The following NXPH1 variants were observed in gnomAD, a reference collection of about 807,000 sequenced individuals.
NXPH1 encodes neurexophilin 1.
In NXPH1, 5 loss-of-function variants were observed where a neutral mutation model predicts 23.7. The ratio of observed to expected loss-of-function variants is 0.21; its 90% confidence interval spans 0.11 to 0.44. The LOEUF (loss-of-function observed/expected upper bound fraction) is 0.44, where lower values mean the gene tolerates loss of function less well. Ranked by LOEUF, NXPH1 falls within the 20% of genes least tolerant of loss-of-function variation. The pLI, the probability that NXPH1 is intolerant of heterozygous loss-of-function variation, is 0.99. For missense variants in NXPH1, 324 were observed against 321.6 expected, an observed-to-expected ratio of 1.01 and a Z score of -0.06; for synonymous variants, 144 against 122.2, an observed-to-expected ratio of 1.18 and a Z score of -1.18.
At chr7:8,745,847 G>A (rs773535272) in intron 2 of NXPH1, among the ~76,000 whole-genome samples, 6 of 151,414 alleles carry the variant, frequency 4.0e-5, no homozygotes, top group African/African-American at 7.3e-5. Context: ...GATTTCAGGC[G>A]AGAGCTACTG....
chr7:8,612,965 A>T (rs950624746), intron 2 of NXPH1, among the ~76,000 whole-genome samples: 3 of 152,048 alleles, frequency 2.0e-5, no homozygotes, highest in African/African-American at 7.2e-5. Context: ...GGATGTGACC[A>T]GGGAATGCAG....
chr7:8,449,964 G>A (rs1816476419), intron 2 of NXPH1, among the ~76,000 whole-genome samples: 4 of 152,208 alleles, frequency 2.6e-5, no homozygotes, highest in Admixed American at 2.0e-4. Flanking sequence ...CTCGTGGCAT[G>A]TGGGACACAA....
At chr7:8,569,030 TA>T (rs1818600533) in intron 2 of NXPH1, among the ~76,000 whole-genome samples, 1 of 151,896 alleles carries the variant, frequency 6.6e-6, no homozygotes, top group Non-Finnish European at 1.5e-5. Flanking sequence ...TCTATGAATT[TA>T]AAACTGTTTT....
intron 2 of NXPH1, among the ~76,000 whole-genome samples, chr7:8,721,676 G>A (rs1266439522): frequency 6.6e-6 from 1 of 152,194 alleles, no homozygotes; most frequent in African/African-American, 2.4e-5. Flanking sequence ...TACTCGGGAG[G>A]CTGAGGCAGG....
At chr7:8,533,477 C>G (rs1817982648) in intron 2 of NXPH1, among the ~76,000 whole-genome samples, 1 of 152,042 alleles carries the variant, frequency 6.6e-6, no homozygotes, top group Non-Finnish European at 1.5e-5. Context: ...TATAGGAAAA[C>G]TTAGCATTTT....
At chr7:8,605,716 T>C (rs1314684222) in intron 2 of NXPH1, among the ~76,000 whole-genome samples, 1 of 152,072 alleles carries the variant, frequency 6.6e-6, no homozygotes, top group East Asian at 1.9e-4. Flanking sequence ...ATCTAAGCAC[T>C]TTTGAAAATA....
At chr7:8,544,089 C>T (rs1818160014) in intron 2 of NXPH1, among the ~76,000 whole-genome samples, 1 of 151,602 alleles carries the variant, frequency 6.6e-6, no homozygotes, top group African/African-American at 2.4e-5. Context: ...GCACATGTTG[C>T]CTCTTACCAA....
At chr7:8,629,912 T>C (rs1389763140) in intron 2 of NXPH1, among the ~76,000 whole-genome samples, 4 of 152,176 alleles carry the variant, frequency 2.6e-5, no homozygotes, top group Non-Finnish European at 5.9e-5. Flanking sequence ...TTTGCCTCTG[T>C]GAGAATTAGA....
intron 2 of NXPH1, among the ~76,000 whole-genome samples, chr7:8,735,980 T>C (rs576063650): frequency 2.0e-5 from 3 of 152,330 alleles, no homozygotes; most frequent in South Asian, 2.1e-4. Context: ...TCAGTGGTGA[T>C]ATCCCCTTTA....
intron 2 of NXPH1, among the ~76,000 whole-genome samples, chr7:8,599,482 C>CT (rs1277591159): frequency 6.6e-6 from 1 of 152,066 alleles, no homozygotes; most frequent in East Asian, 1.9e-4. Context: ...ATTTTCTTGG[C>CT]TTAGTGTATG....
chr7:8,726,885 G>C lies in NXPH1; in HGVS notation c.55-24123G>C, dbSNP rs1780063828. Among the ~76,000 whole-genome samples the C allele has an allele frequency of 3.3e-5, 5 of 152,118 alleles. No homozygotes were observed. The South Asian group carries it at 1.0e-3, about 32-fold the overall frequency. On this transcript the variant is annotated intron_variant, in intron 2 of 2. Coordinates refer to ENST00000405863, the MANE Select transcript of NXPH1 (RefSeq NM_152745.3). ...ATGGCTGGGTCAAATGGCGTTTCTA[G>C]TTCTAGATCCCTGAGGAATCGCCAC...
chr7:8,488,003 AC>A (rs1232880896), intron 2 of NXPH1, among the ~76,000 whole-genome samples: 2 of 152,154 alleles, frequency 1.3e-5, no homozygotes, highest in Non-Finnish European at 2.9e-5. Context: ...ATCAGTTGTA[AC>A]TTGGCAGGAT....
chr7:8,698,251 C>T (rs1187034191), intron 2 of NXPH1, among the ~76,000 whole-genome samples: 1 of 152,134 alleles, frequency 6.6e-6, no homozygotes, highest in Admixed American at 6.5e-5. Flanking sequence ...GGTAATAAAC[C>T]TATTTTCAAT....
intron 2 of NXPH1, among the ~76,000 whole-genome samples, chr7:8,749,390 G>T (rs955266341): frequency 2.0e-5 from 3 of 152,172 alleles, no homozygotes; most frequent in African/African-American, 7.2e-5. Flanking sequence ...CAGGGAGTCT[G>T]GCTCTAGAAT....
intron 2 of NXPH1, among the ~76,000 whole-genome samples, chr7:8,466,018 C>T (rs1162931349): frequency 3.3e-5 from 5 of 152,146 alleles, no homozygotes; most frequent in African/African-American, 4.8e-5. Context: ...TTCCTTGACT[C>T]GCTTTAATTC....
chr7:8,609,496 A>G (rs1423583513), intron 2 of NXPH1, among the ~76,000 whole-genome samples: 1 of 152,202 alleles, frequency 6.6e-6, no homozygotes. Context: ...AGAGGAAATG[A>G]ACTCAGAACT....
intron 2 of NXPH1, among the ~76,000 whole-genome samples, chr7:8,552,108 A>AC (rs1360443535): frequency 4.8e-5 from 7 of 147,254 alleles, no homozygotes; most frequent in African/African-American, 1.5e-4. Context: ...TCTGCAGAAA[A>AC]AAAACCAAAA....
chr7:8,687,462 A>G (rs1180093628), intron 2 of NXPH1, among the ~76,000 whole-genome samples: 1 of 152,146 alleles, frequency 6.6e-6, no homozygotes, highest in Non-Finnish European at 1.5e-5. Context: ...TTTGGTTGGG[A>G]AAAATGTTAT....
chr7:8,647,057 C>G (rs900287185), intron 2 of NXPH1, among the ~76,000 whole-genome samples: 1 of 152,070 alleles, frequency 6.6e-6, no homozygotes, highest in Non-Finnish European at 1.5e-5. Context: ...ACCCCTGGGA[C>G]AGGCAGACAA....
Sources: allele counts gnomAD v4.1 joint callset (sites outside exome capture counted in the v4.1 genomes callset), GRCh38; gene constraint gnomAD v4.1.1; transcripts MANE v1.5; gene names NCBI Gene and HGNC (gene_info 2026-07-23, HGNC 2026-07-21).